The following TOX variants were observed in gnomAD, a reference collection of about 807,000 sequenced individuals.
The protein encoded by TOX is thymocyte selection-associated high mobility group box protein TOX.
TOX carries 11 observed loss-of-function variants against 53.7 expected under a neutral mutation model. The observed-to-expected ratio is 0.20, with a 90% CI of 0.13 to 0.34. TOX has a LOEUF of 0.34. Among genes scored for constraint, TOX ranks in the 10% least tolerant of loss-of-function variants. The pLI is 1.00. For missense variants in TOX, 570 were observed against 664.6 expected, an observed-to-expected ratio of 0.86 and a Z score of 1.56; for synonymous variants, 225 against 245.3, an observed-to-expected ratio of 0.92 and a Z score of 0.77.
At chr8:58,863,765 C>T (rs890777956) in intron 3 of TOX, among the ~76,000 whole-genome samples, 2 of 152,020 alleles carry the variant, frequency 1.3e-5, no homozygotes, top group South Asian at 4.1e-4. Context: ...CTCTGTGCCT[C>T]GCACTGTGAG....
intron 1 of TOX, among the ~76,000 whole-genome samples, chr8:59,023,827 G>A (rs1814184632): frequency 6.6e-6 from 1 of 152,096 alleles, no homozygotes; most frequent in Non-Finnish European, 1.5e-5. Flanking sequence ...AATGATTATA[G>A]TCATCTGTTG....
chr8:59,046,674 A>G (rs62504549), intron 1 of TOX, among the ~76,000 whole-genome samples: 78,185 of 151,668 alleles, frequency 0.52, 24,880 homozygotes, highest in Non-Finnish European at 0.72. Context: ...CCTGGCCAAC[A>G]TGGTGAAACT....
At chr8:59,072,603 T>G (rs948525140) in intron 1 of TOX, among the ~76,000 whole-genome samples, 2 of 152,220 alleles carry the variant, frequency 1.3e-5, no homozygotes, top group Non-Finnish European at 2.9e-5. Flanking sequence ...AGCCACGTAG[T>G]TGCATTTCAC....
At chr8:59,042,644 TG>T (rs1165734685) in intron 1 of TOX, among the ~76,000 whole-genome samples, 2 of 152,228 alleles carry the variant, frequency 1.3e-5, no homozygotes, top group African/African-American at 2.4e-5. Flanking sequence ...TGTTTCTAGA[TG>T]TCTACATCTA....
At chr8:59,069,692 G>A (rs1804158954) in intron 1 of TOX, among the ~76,000 whole-genome samples, 2 of 152,150 alleles carry the variant, frequency 1.3e-5, no homozygotes, top group African/African-American at 2.4e-5. Context: ...GATTTTCAGT[G>A]TATTAAAATG....
In TOX at chr8:58,897,037, C is replaced by A. The variant is rs1811660639; in HGVS notation, c.411+42265G>T. Among the ~76,000 whole-genome samples, 3 of 152,124 alleles carry A rather than the reference C, an allele frequency of 2.0e-5. No homozygotes were observed. The South Asian group carries it at 6.2e-4, about 32-fold the overall frequency. On this transcript the variant is annotated intron_variant, in intron 3 of 8. Coordinates refer to ENST00000361421, the MANE Select transcript of TOX (RefSeq NM_014729.3). The stretch of plus-strand genomic sequence containing the variant: ...CTGAGTGTAATTCTTAAAATATTAA[C>A]CCTGGAGATAATAATAAAAATATTC...
chr8:59,045,090 C>G lies in TOX; in HGVS notation c.102+73796G>C, dbSNP rs1034186645. ...TAATGTAATTGTTATTATTTTCCAG[C>G]CTTTCTTGGGTGAAAATTAGACTTT... is the stretch of plus-strand genomic sequence containing the variant. On this transcript the variant is annotated intron_variant, in intron 1 of 8. Coordinates refer to ENST00000361421, the MANE Select transcript of TOX (RefSeq NM_014729.3). Among the ~76,000 whole-genome samples, 7 of 152,274 alleles carry G rather than the reference C, an allele frequency of 4.6e-5. No individual in the cohort carries two copies. The East Asian group carries it at 5.8e-4, about 13-fold the overall frequency.
rs147196573 is a variant in TOX, at chr8:58,894,917, C to T, written c.412-43112G>A. ...TCTCAAAAAATGAATAGGCTGGGGG[C>T]GGTGACTCACGCCTGTAATCCCAGC... On this transcript the variant is annotated intron_variant, in intron 3 of 8. Transcript: ENST00000361421. 1.8e-3 allele frequency among the ~76,000 whole-genome samples: 272 copies of T among 149,544 alleles called. 1 individual carries two copies. The highest frequency in any genetic ancestry group is 6.3e-3 in the African/African-American group (255 of 40,472).
chr8:58,932,608 G>T (rs1482962173), intron 3 of TOX, among the ~76,000 whole-genome samples: 1 of 152,120 alleles, frequency 6.6e-6, no homozygotes, highest in Non-Finnish European at 1.5e-5. Flanking sequence ...TTTAAAAACA[G>T]CAATCAAATT....
At chr8:58,963,865 A>G (rs1812843785) in intron 1 of TOX, among the ~76,000 whole-genome samples, 1 of 152,210 alleles carries the variant, frequency 6.6e-6, no homozygotes, top group African/African-American at 2.4e-5. Context: ...GCTGGCACGT[A>G]ATAGGTCTTC....
chr8:58,965,710 A>G (rs759879173), intron 1 of TOX, among the ~76,000 whole-genome samples: 4 of 152,106 alleles, frequency 2.6e-5, no homozygotes, highest in South Asian at 4.1e-4. Flanking sequence ...GTGTTTTCTG[A>G]AAGAATATTT....
At chr8:58,884,970 T>G (rs984131273) in intron 3 of TOX, among the ~76,000 whole-genome samples, 3 of 152,154 alleles carry the variant, frequency 2.0e-5, no homozygotes, top group Non-Finnish European at 4.4e-5. Context: ...TTCAAACATG[T>G]GTAACAATGT....
chr8:59,102,200 G>C (rs1361581280), intron 1 of TOX, among the ~76,000 whole-genome samples: 1 of 152,014 alleles, frequency 6.6e-6, no homozygotes, highest in Non-Finnish European at 1.5e-5. Context: ...TAACAAAAGA[G>C]AGCTTGTACA....
At chr8:59,024,214 G>A in intron 1 of TOX, among the ~76,000 whole-genome samples, 1 of 152,216 alleles carries the variant, frequency 6.6e-6, no homozygotes, top group East Asian at 1.9e-4. Context: ...GTATGTGCTT[G>A]TTGATATTAA....
intron 3 of TOX, among the ~76,000 whole-genome samples, chr8:58,890,362 C>A (rs1317525547): frequency 1.3e-5 from 2 of 152,144 alleles, no homozygotes; most frequent in African/African-American, 4.8e-5. Context: ...TTGAGAGCAT[C>A]TTCAACTGAA....
At chr8:58,927,916 C>A (rs1812192329) in intron 3 of TOX, among the ~76,000 whole-genome samples, 1 of 152,146 alleles carries the variant, frequency 6.6e-6, no homozygotes, top group Non-Finnish European at 1.5e-5. Context: ...CAAGTGCAGG[C>A]GGCCTCACCC....
At chr8:58,872,625 G>C (rs1421990872) in intron 3 of TOX, among the ~76,000 whole-genome samples, 2 of 152,044 alleles carry the variant, frequency 1.3e-5, no homozygotes, top group Admixed American at 1.3e-4. Context: ...CCCCCCAATA[G>C]TACATTACCT....
At chr8:58,965,894 G>GTTTTTTTTTTTTTTT (rs67045037) in intron 1 of TOX, among the ~76,000 whole-genome samples, 1 of 49,630 alleles carries the variant, frequency 2.0e-5, no homozygotes, top group African/African-American at 7.7e-5. Flanking sequence ...ACGAGTCATC[G>GTTTTTTTTTTTTTTT]TTTTTTTTTT....
At position 59,117,439 on chromosome 8, in the gene TOX, T is replaced by C. The variant is rs146216027; in HGVS notation, c.102+1447A>G. ...TTGCTCAAGACTGGATGTCCCTCTT[T>C]TCTAACTTGCCTAAACACCATCGGC... On this transcript the variant is annotated intron_variant, in intron 1 of 8. Coordinates refer to ENST00000361421, the MANE Select transcript of TOX (RefSeq NM_014729.3). The surrounding 1 kb of genome is among the most constrained non-coding windows in gnomAD (Gnocchi z 4.6). Among the ~76,000 whole-genome samples, 3,168 of 152,310 alleles carry C rather than the reference T, an allele frequency of 0.021. 47 individuals carry two copies. Among genetic ancestry groups the C allele is most frequent in the Middle Eastern group, 0.037 (11 of 294 alleles).
Sources: gnomAD v4.1 joint callset for allele counts (sites outside exome capture counted in the v4.1 genomes callset) on GRCh38, gnomAD v4.1.1 for gene constraint, Gnocchi (gnomAD v3.1) non-coding constraint, MANE v1.5 for transcripts, NCBI Gene and HGNC (gene_info 2026-07-23, HGNC 2026-07-21) for gene names.